Variants in GOLM1 observed in about 807,000 individuals in gnomAD.
GOLM1 encodes the protein epididymis luminal protein 46.
In GOLM1, 31 loss-of-function variants were observed where a neutral mutation model predicts 50.5. That is an observed-to-expected ratio of 0.61 (90% CI 0.46 to 0.83). GOLM1 has a LOEUF of 0.83. Among genes scored for constraint, GOLM1 ranks in the 40% least tolerant of loss-of-function variants. GOLM1 has a pLI of 0.00. For missense variants in GOLM1, 491 were observed against 501.3 expected (o/e 0.98, Z 0.20); for synonymous variants, 178 against 192.8 (o/e 0.92, Z 0.64).
chr9:86,079,245 T>C lies in GOLM1; in HGVS notation c.76A>G (p.Ile26Val). The change falls in exon 2 of 10, where the codon ATC (isoleucine) becomes GTC (valine). Residue 26 changes from isoleucine to valine, a missense_variant. Transcript: ENST00000388712. Reference sequence around the variant, plus strand: ...ATCCAGTAGTTGAAGCCCAAGACGATGATGCAGGCCACCAGGGCGGCCAGC... The same window carrying C: ...ATCCAGTAGTTGAAGCCCAAGACGACGATGCAGGCCACCAGGGCGGCCAGC... ...LVLAALVACI[I>V]VLGFNYWIAS... is the part of the protein sequence containing the mutation. The C allele has an allele frequency of 5.0e-6, 8 of 1,610,596 alleles. No individual in the cohort carries two copies. Among genetic ancestry groups the C allele is most frequent in the Non-Finnish European group, 6.8e-6 (8 of 1,177,578 alleles).
chr9:86,071,850 A>C (rs73650921), intron 3 of GOLM1, among the ~76,000 whole-genome samples: 5,180 of 152,294 alleles, frequency 0.034, 316 homozygotes, highest in African/African-American at 0.12. Flanking sequence ...GAAAACCCCC[A>C]GGTGCCTGAG....
chr9:86,028,740 A>C (rs551574554), intron 9 of GOLM1, among the ~76,000 whole-genome samples: 3 of 151,114 alleles, frequency 2.0e-5, no homozygotes, highest in Non-Finnish European at 4.4e-5. Context: ...CATCCTCCCC[A>C]CAACCTGTCC....
intron 1 of GOLM1, among the ~76,000 whole-genome samples, chr9:86,099,178 C>G (rs1176539757): frequency 6.6e-6 from 1 of 151,482 alleles, no homozygotes; most frequent in Non-Finnish European, 1.5e-5. Context: ...GCCGCGCGCC[C>G]GGTCTTGGGG....
At position 86,054,327 on chromosome 9, in the gene GOLM1, C is replaced by T. The variant is rs371551094; in HGVS notation, c.310-1736G>A. ...TGTTGCCCAGGCTGGGGTGCAATGG[C>T]GCGATCTCCGGTTCACTGCAACCTC... is the stretch of plus-strand genomic sequence containing the variant. On this transcript the variant is annotated intron_variant, in intron 3 of 9. Coordinates refer to ENST00000388712, the MANE Select transcript of GOLM1 (RefSeq NM_016548.4). 2.6e-3 allele frequency among the ~76,000 whole-genome samples: 387 copies of T among 149,336 alleles called. 3 individuals are homozygous for T. Among genetic ancestry groups the T allele is most frequent in the Non-Finnish European group, 3.1e-3 (213 of 67,640 alleles).
chr9:86,075,068 G>T (rs1230304233), intron 3 of GOLM1, among the ~76,000 whole-genome samples: 1 of 152,118 alleles, frequency 6.6e-6, no homozygotes, highest in Admixed American at 6.5e-5. Context: ...CCATAAAAGA[G>T]GCCCCAGAGA....
intron 2 of GOLM1, chr9:86,077,998 A>G (rs1458323658): frequency 5.9e-6 from 1 of 170,648 alleles, no homozygotes; most frequent in African/African-American, 2.4e-5. Flanking sequence ...AACTCCAGAC[A>G]AGCAGACCTC....
intron 5 of GOLM1, among the ~76,000 whole-genome samples, chr9:86,042,334 C>G (rs558409610): frequency 1.3e-4 from 20 of 152,272 alleles, no homozygotes; most frequent in African/African-American, 4.3e-4. Context: ...GAAACTGAAG[C>G]CAGACTCCAG....
chr9:86,088,572 G>T lies in GOLM1; in HGVS notation c.-21-9231C>A, dbSNP rs1009709414. ...TCAGAGGATTGCAACTCCTGGTTTTGTTTTTTTTTTTTTTTTGTTTTGTTT... is the reference window on the plus strand; with the variant it reads ...TCAGAGGATTGCAACTCCTGGTTTTTTTTTTTTTTTTTTTTTGTTTTGTTT... On this transcript the variant is annotated intron_variant, in intron 1 of 9. Coordinates refer to ENST00000388712, the MANE Select transcript of GOLM1 (RefSeq NM_016548.4). 2.1e-3 allele frequency among the ~76,000 whole-genome samples: 230 copies of T among 108,738 alleles called. 1 individual carries two copies. Among genetic ancestry groups the T allele is most frequent in the Non-Finnish European group, 3.2e-3 (191 of 60,170 alleles). The allele number at this position is 108,738 out of a possible 152,430, so 71.3% of individuals were successfully genotyped here.
chr9:86,053,581 A>ACTC (rs1833866706), intron 3 of GOLM1, among the ~76,000 whole-genome samples: 1 of 1,418 alleles, frequency 7.1e-4, no homozygotes, highest in African/African-American at 2.1e-3. Context: ...CACACACACC[A>ACTC]CACACCACAC....
chr9:86,041,249 C>G (rs1235931178), intron 5 of GOLM1, among the ~76,000 whole-genome samples: 1 of 152,150 alleles, frequency 6.6e-6, no homozygotes, highest in Non-Finnish European at 1.5e-5. Context: ...CTGGACCATA[C>G]TTGAGTTTAT....
intron 9 of GOLM1, among the ~76,000 whole-genome samples, chr9:86,031,449 G>GTTTTT (rs774806772): frequency 2.5e-5 from 2 of 79,482 alleles, no homozygotes; most frequent in Non-Finnish European, 4.7e-5. Flanking sequence ...TACCACTGAG[G>GTTTTT]TTTTTTTTTT....
At chr9:86,083,322 G>A (rs1834844225) in intron 1 of GOLM1, among the ~76,000 whole-genome samples, 1 of 152,140 alleles carries the variant, frequency 6.6e-6, no homozygotes, top group Admixed American at 6.6e-5. Context: ...ATATGTTTAG[G>A]AACTAATCAC....
chr9:86,096,942 T>C (rs1474515212), intron 1 of GOLM1, among the ~76,000 whole-genome samples: 2 of 152,178 alleles, frequency 1.3e-5, no homozygotes, highest in Non-Finnish European at 2.9e-5. Flanking sequence ...ATAGTATTTA[T>C]ATATGTACTT....
chr9:86,093,651 C>A lies in GOLM1; in HGVS notation c.-22+5760G>T, dbSNP rs1835256865. ...CTACTGGCTTAATTTAAAAATTCAA[C>A]CTATTGGTTAAAATTATTATTTGCT... On this transcript the variant is annotated intron_variant, in intron 1 of 9. Coordinates refer to ENST00000388712, the MANE Select transcript of GOLM1 (RefSeq NM_016548.4). Among the ~76,000 whole-genome samples, 2 of 150,992 alleles carry A rather than the reference C, an allele frequency of 1.3e-5. 1 individual carries two copies. The highest frequency in any genetic ancestry group is 2.9e-5 in the Non-Finnish European group (2 of 67,890).
chr9:86,027,869 CT>C lies in GOLM1; in HGVS notation c.1153del (p.Arg385GlufsTer4). 6.2e-7 allele frequency: 1 copy of C among 1,605,294 alleles called. No homozygotes were observed. Among genetic ancestry groups the C allele is most frequent in the Non-Finnish European group, 8.5e-7 (1 of 1,172,258 alleles). On this transcript the variant is annotated frameshift_variant, in exon 10 of 10. Coordinates refer to ENST00000388712, the MANE Select transcript of GOLM1 (RefSeq NM_016548.4). LOFTEE classifies it high-confidence loss of function. ...CTGATCAAGTAAATTTATGGTGTCTCTTTTCTGATCTTCAACATTAAAAACT... is the reference window on the plus strand; with the variant it reads ...CTGATCAAGTAAATTTATGGTGTCTCTTTCTGATCTTCAACATTAAAAACT... ...IDVFNVEDQK[R>X]DTINLLDQRE...
intron 3 of GOLM1, among the ~76,000 whole-genome samples, chr9:86,056,069 G>T (rs1460431277): frequency 6.6e-6 from 1 of 151,996 alleles, no homozygotes; most frequent in African/African-American, 2.4e-5. Flanking sequence ...ACATCTCCTG[G>T]GTAAATAATT....
intron 3 of GOLM1, among the ~76,000 whole-genome samples, chr9:86,057,926 G>A (rs762326166): frequency 5.3e-5 from 8 of 152,154 alleles, no homozygotes; most frequent in Admixed American, 1.3e-4. Flanking sequence ...CTTTGAGGGC[G>A]TGAGTCCACC....
chr9:86,053,815 C>CA (rs934561432), intron 3 of GOLM1, among the ~76,000 whole-genome samples: 17 of 147,814 alleles, frequency 1.2e-4, no homozygotes, highest in African/African-American at 3.7e-4. Context: ...ATACACCACA[C>CA]ATCACACACC....
chr9:86,040,302 G>A (rs1833296413), intron 6 of GOLM1, among the ~76,000 whole-genome samples: 1 of 152,130 alleles, frequency 6.6e-6, no homozygotes. Context: ...CACCCAGAAG[G>A]CTTCAAGCAG....
Sources: allele counts gnomAD v4.1 joint callset (sites outside exome capture counted in the v4.1 genomes callset), GRCh38; gene constraint gnomAD v4.1.1; transcripts MANE v1.5; gene names NCBI Gene and HGNC (gene_info 2026-07-23, HGNC 2026-07-21).